HSF2: variants seen among roughly 807,000 people sequenced by gnomAD.
HSF2 encodes the protein heat shock transcription factor 2.
In HSF2, 21 loss-of-function variants were observed where a neutral mutation model predicts 65.0. The observed-to-expected ratio is 0.32, with a 90% CI of 0.23 to 0.47. HSF2 has a LOEUF of 0.47. HSF2 is among the 20% of genes least tolerant of loss of function. The pLI is 1.00. For synonymous variants in HSF2, 225 were observed against 219.1 expected (o/e 1.03, Z -0.24); for missense variants, 499 against 628.1 (o/e 0.79, Z 2.20).
intron 7 of HSF2, among the ~76,000 whole-genome samples, chr6:122,420,700 CTTTTTTTTT>C (rs59305295): frequency 5.9e-4 from 17 of 28,586 alleles, no homozygotes; most frequent in Admixed American, 3.7e-3. Context: ...TTATTCATTT[CTTTTTTTTT>C]TTTTTTTTTT....
upstream of HSF2, chr6:122,399,577 G>T (rs923081727): frequency 8.5e-6 from 5 of 590,102 alleles, no homozygotes; most frequent in Non-Finnish European, 1.5e-5. Context: ...CGGCCGCCCG[G>T]CCTCTCGGCC....
intron 1 of HSF2, among the ~76,000 whole-genome samples, chr6:122,410,019 A>G (rs1312897821): frequency 2.6e-5 from 4 of 151,976 alleles, no homozygotes; most frequent in Admixed American, 6.6e-5. Flanking sequence ...CCATTCATCT[A>G]TGTAATCACT....
At position 122,399,742 on chromosome 6, in the gene HSF2, A is replaced by G. The variant is rs1466845800; in HGVS notation, c.5A>G (p.Lys2Arg). 1.9e-6 allele frequency: 3 copies of G among 1,611,108 alleles called. No homozygotes were observed. The highest frequency in any genetic ancestry group is 1.7e-5 in the Admixed American group (1 of 59,768). Residue 2 changes from lysine to arginine, a missense_variant, in exon 1 of 13, where the codon AAG becomes AGG. Physicochemically the swap from Lys to Arg is conservative, Grantham distance 26. Transcript: ENST00000368455. M[K>R]QSSNVPAFLS... The stretch of plus-strand genomic sequence containing the variant: ...AATCCCTGCGCCGCGTTAACAATGA[A>G]GCAGAGTTCGAACGTGCCGGCTTTC...
chr6:122,408,167 G>A (rs1331246244), intron 1 of HSF2, among the ~76,000 whole-genome samples: 1 of 152,014 alleles, frequency 6.6e-6, no homozygotes, highest in Non-Finnish European at 1.5e-5. Context: ...TTTTGTTTCT[G>A]GAGTCTTTAT....
intron 1 of HSF2, among the ~76,000 whole-genome samples, chr6:122,408,559 A>G (rs926900615): frequency 1.3e-5 from 2 of 152,082 alleles, no homozygotes; most frequent in African/African-American, 4.8e-5. Flanking sequence ...TTAAAAATAG[A>G]TTTCTAGCTG....
chr6:122,420,310 G>A, intron 7 of HSF2, 88 bp downstream of exon 7: 1 of 945,508 alleles, frequency 1.1e-6, no homozygotes, highest in Non-Finnish European at 1.5e-6. Context: ...AAGAAGTGTG[G>A]TGAATAACAA....
intron 7 of HSF2, among the ~76,000 whole-genome samples, chr6:122,421,166 T>C (rs1239792854): frequency 6.6e-6 from 1 of 152,118 alleles, no homozygotes. Flanking sequence ...CAATTTAAAT[T>C]TTTACCTTCA....
chr6:122,427,691 C>G (rs1457779557), intron 10 of HSF2, among the ~76,000 whole-genome samples: 1 of 151,932 alleles, frequency 6.6e-6, no homozygotes, highest in Non-Finnish European at 1.5e-5. Context: ...GAAATTCTTA[C>G]CACATGAAAT....
At chr6:122,430,598 C>T (rs1244622120) in intron 11 of HSF2, among the ~76,000 whole-genome samples, 1 of 151,902 alleles carries the variant, frequency 6.6e-6, no homozygotes, top group Non-Finnish European at 1.5e-5. Context: ...CTCTTAAATC[C>T]TAAAACTTAC....
intron 11 of HSF2, among the ~76,000 whole-genome samples, chr6:122,430,124 A>G (rs1774428842): frequency 6.6e-6 from 1 of 152,094 alleles, no homozygotes; most frequent in South Asian, 2.1e-4. Flanking sequence ...TCAGCTGTGA[A>G]TCCGTCTGGT....
At chr6:122,410,209 A>G (rs1324026114) in intron 1 of HSF2, among the ~76,000 whole-genome samples, 3 of 151,890 alleles carry the variant, frequency 2.0e-5, no homozygotes, top group Non-Finnish European at 4.4e-5. Flanking sequence ...TACTCCACAA[A>G]TCATTTTTTT....
chr6:122,400,305 A>G (rs9401537), intron 1 of HSF2, among the ~76,000 whole-genome samples: 22,222 of 152,200 alleles, frequency 0.15, 1,693 homozygotes, highest in East Asian at 0.26. Context: ...GATCACCCCC[A>G]GTTCCCCCAA....
intron 1 of HSF2, among the ~76,000 whole-genome samples, chr6:122,409,082 T>C (rs1243215565): frequency 2.0e-5 from 3 of 151,990 alleles, no homozygotes; most frequent in Non-Finnish European, 4.4e-5. Context: ...AAGTCAATAA[T>C]AAGATACCCT....
Position 122,412,403 on chromosome 6 carries a change from C to G in HSF2, c.124C>G (p.Gln42Glu), listed in dbSNP as rs1276019037. 6.2e-6 allele frequency: 10 copies of G among 1,611,460 alleles called. No homozygotes were observed. Among genetic ancestry groups the G allele is most frequent in the African/African-American group, 5.4e-5 (4 of 74,662 alleles). Residue 42 changes from glutamine to glutamate, a missense_variant, in exon 2 of 13, where the codon CAA (glutamine) becomes GAA (glutamate). Physicochemically the swap from Gln to Glu is conservative, Grantham distance 29. This residue lies in a region of HSF2 where 150 missense variants were observed against 234.6 expected (regional missense o/e 0.64). Transcript: ENST00000368455. Reference protein sequence around the residue: ...NGQSFLVLDEQRFAKEILPKY... With the variant: ...NGQSFLVLDEERFAKEILPKY... ...CCAAAGTTTTCTGGTCTTGGATGAG[C>G]AACGATTTGCAAAAGAAATTCTTCC...
At chr6:122,424,773 G>C in intron 10 of HSF2, among the ~76,000 whole-genome samples, 1 of 151,878 alleles carries the variant, frequency 6.6e-6, no homozygotes, top group Admixed American at 6.6e-5. Context: ...CCCTTCTTTA[G>C]ATCCAGAGAC....
At chr6:122,411,105 TC>T (rs1773982943) in intron 1 of HSF2, among the ~76,000 whole-genome samples, 1 of 151,830 alleles carries the variant, frequency 6.6e-6, no homozygotes, top group Non-Finnish European at 1.5e-5. Context: ...TTTCTCCACT[TC>T]CTTGTGAACA....
chr6:122,416,075 T>C, intron 4 of HSF2, 146 bp from the exon 5 acceptor site: 2 of 565,554 alleles, frequency 3.5e-6, no homozygotes, highest in Non-Finnish European at 6.3e-6. Context: ...TCCTATGTAA[T>C]TGAACCAAAG....
At chr6:122,418,611 CTTTTTCTTT>C (rs1382531693) in intron 5 of HSF2, among the ~76,000 whole-genome samples, 1 of 151,930 alleles carries the variant, frequency 6.6e-6, no homozygotes, top group African/African-American at 2.4e-5. Context: ...AAACTTTTAT[CTTTTTCTTT>C]TTTTTCTTTG....
chr6:122,402,088 A>C (rs747570481), intron 1 of HSF2, among the ~76,000 whole-genome samples: 1 of 152,338 alleles, frequency 6.6e-6, no homozygotes, highest in South Asian at 2.1e-4. Context: ...GTGTTAGTGT[A>C]TTTTATGTGT....
Sources: allele counts gnomAD v4.1 joint callset (sites outside exome capture counted in the v4.1 genomes callset), GRCh38; gene constraint gnomAD v4.1.1; regional missense constraint gnomAD v4.1.1; transcripts MANE v1.5; gene names NCBI Gene and HGNC (gene_info 2026-07-23, HGNC 2026-07-21).